The following RFC4 variants were observed in gnomAD, a reference collection of about 807,000 sequenced individuals.
The protein encoded by RFC4 is A1 37 kDa subunit.
In RFC4, 38 loss-of-function variants were observed where a neutral mutation model predicts 47.6. The observed-to-expected ratio is 0.80, with a 90% CI of 0.62 to 1.05. The LOEUF (loss-of-function observed/expected upper bound fraction) is 1.05, where lower values mean the gene tolerates loss of function less well. Ranked by LOEUF, RFC4 falls within the 50% of genes least tolerant of loss-of-function variation. RFC4 has a pLI of 0.00. For missense variants in RFC4, 489 were observed against 434.0 expected, an observed-to-expected ratio of 1.13 and a Z score of -1.13; for synonymous variants, 164 against 150.0, an observed-to-expected ratio of 1.09 and a Z score of -0.68.
At chr3:186,790,537 G>T (rs1182744927) in intron 8 of RFC4, 131 bp from the exon 9 acceptor site, 3 of 703,332 alleles carry the variant, frequency 4.3e-6, no homozygotes, top group Non-Finnish European at 5.1e-6. Context: ...GGAAGGCTTT[G>T]GGAGAACGGA....
Position 186,789,950 on chromosome 3 carries a change from CCATCCAGATATATTCA to C in RFC4, c.*3_*18del, listed in dbSNP as rs758703722. ...ACAACTTCATTATTTACAAAACCCC[CCATCCAGATATATTCA>C]CGTTAACAATTCTGAGATAACTGCT... On this transcript the variant is annotated 3_prime_UTR_variant, in exon 11 of 11. Transcript: ENST00000296273. 2.2e-5 allele frequency: 32 copies of C among 1,449,450 alleles called. No homozygotes were observed. In the Admixed American group the frequency reaches 5.6e-4, roughly 25 times the overall value. 89.8% of individuals were successfully genotyped at this position (1,449,450 alleles called of 1,614,324 possible).
At position 186,793,868 on chromosome 3, in the gene RFC4, G is replaced by A. The variant is rs1297557310; in HGVS notation, c.410+790C>T. Among the ~76,000 whole-genome samples, 5 of 151,872 alleles carry A rather than the reference G, an allele frequency of 3.3e-5. No individual in the cohort carries two copies. Among genetic ancestry groups the A allele is most frequent in the African/African-American group, 4.8e-5 (2 of 41,330 alleles). Reference sequence around the variant, plus strand: ...CTCCCGAGTAGCTGGGACTACAGGCGCCCGCCACCACACCCAGCTAATTTT... The same window carrying A: ...CTCCCGAGTAGCTGGGACTACAGGCACCCGCCACCACACCCAGCTAATTTT... On this transcript the variant is annotated intron_variant, in intron 5 of 10. Transcript: ENST00000296273. This position sits in a 1 kb window ranked among gnomAD's most constrained non-coding sequence, Gnocchi z 4.2.
In RFC4 at chr3:186,796,902, T is replaced by C. The variant is rs1379094294; in HGVS notation, c.290+633A>G. Among the ~76,000 whole-genome samples the C allele has an allele frequency of 6.6e-6, 1 of 152,232 alleles. No individual in the cohort carries two copies. The highest frequency in any genetic ancestry group is 1.5e-5 in the Non-Finnish European group (1 of 68,040). On this transcript the variant is annotated intron_variant, in intron 4 of 10. Coordinates refer to ENST00000296273, the MANE Select transcript of RFC4 (RefSeq NM_002916.5). This position sits in a 1 kb window ranked among gnomAD's most constrained non-coding sequence, Gnocchi z 4.2. ...TTCATGTATATCAGACCCAGCCCAC[T>C]ACACATCTTTTAACTCTAGGTAAAG...
At chr3:186,801,314 G>C in intron 2 of RFC4, 119 bp from the exon 3 acceptor site, 1 of 748,942 alleles carries the variant, frequency 1.3e-6, no homozygotes, top group African/African-American at 1.8e-5. Context: ...GCAATGAAAT[G>C]AGAAACTTTT....
intron 2 of RFC4, among the ~76,000 whole-genome samples, chr3:186,801,997 T>C (rs1256929939): frequency 7.8e-6 from 1 of 127,888 alleles, no homozygotes; most frequent in Non-Finnish European, 1.6e-5. Context: ...CACTCCAACC[T>C]GGGTCACAAG....
At chr3:186,801,710 C>CAAAAAAAAAAAAAAAAAAA (rs34281312) in intron 2 of RFC4, among the ~76,000 whole-genome samples, 1 of 72,930 alleles carries the variant, frequency 1.4e-5, no homozygotes, top group African/African-American at 5.6e-5. Context: ...GACTCTGTCT[C>CAAAAAAAAAAAAAAAAAAA]AAAAAAAAAA....
rs371669546 is a variant in RFC4 at position 186,804,408 on chromosome 3, C to T, written c.131+175G>A. ...TAAGGGAGTTAAACTAGATTATTCT[C>T]AGGTAACTTTAGTTCCAGGGTTCTA... On this transcript the variant is annotated intron_variant, in intron 2 of 10. Transcript: ENST00000296273. Among the ~76,000 whole-genome samples the T allele has an allele frequency of 9.4e-4, 143 of 151,664 alleles. No homozygotes were observed. The East Asian group carries it at 0.013, about 14-fold the overall frequency.
chr3:186,806,228 A>T (rs1722477121), intron 1 of RFC4, 62 bp downstream of exon 1: 2 of 152,238 alleles, frequency 1.3e-5, no homozygotes, highest in Non-Finnish European at 2.9e-5. Context: ...AGACCTCACA[A>T]GGGGCATCAA....
chr3:186,790,336 G>A lies in RFC4; in HGVS notation c.872C>T (p.Ala291Val). 1.2e-6 allele frequency: 2 copies of A among 1,613,574 alleles called. No individual in the cohort carries two copies. The highest frequency in any genetic ancestry group is 1.1e-5 in the South Asian group (1 of 91,066). Residue 291 changes from alanine (A) to valine (V), a missense_variant, in exon 9 of 11, where the codon GCT (alanine) becomes GTT (valine). Physicochemically the swap from Ala to Val is moderately conservative, Grantham distance 64. This residue lies in a region of RFC4 where 283 missense variants were observed against 176.2 expected (regional missense o/e 1.61). Transcript: ENST00000296273. The stretch of plus-strand genomic sequence containing the variant: ...GTAAGCTGACTTTACCTTGACCACA[G>A]CTTCTAGTTTGTCAAAAGAGCCACT... ...CQSGSFDKLE[A>V]VVKDLIDEGH...
rs1319584275 is a variant in RFC4 at position 186,804,573 on chromosome 3, G to C, written c.131+10C>G. 6.2e-6 allele frequency: 10 copies of C among 1,612,580 alleles called. No homozygotes were observed. The South Asian group carries it at 9.9e-5, about 16-fold the overall frequency. On this transcript the variant is annotated intron_variant, in intron 2 of 10. Coordinates refer to ENST00000296273, the MANE Select transcript of RFC4 (RefSeq NM_002916.5). ...ATGAATTATTTTAACAAAGACACAA[G>C]TGTTCTTACTATTTTTCCACCCAGG...
Position 186,801,193 on chromosome 3 carries a change from C to T in RFC4, c.134G>A (p.Arg45His), listed in dbSNP as rs1437049040. ...AGCAACTTCATCCACACATTTTGGG[C>T]GACTTGCGGGGTGAGAAGGAGGAAA... ...AKPVPWVEKY[R>H]PKCVDEVAFQ... The change falls in exon 3 of 11, where the codon CGC (arginine) becomes CAC (histidine). Residue 45 changes from arginine to histidine, a missense_variant and splice_region_variant. Coordinates refer to ENST00000296273, the MANE Select transcript of RFC4 (RefSeq NM_002916.5). 20 of 1,613,646 alleles carry T rather than the reference C, an allele frequency of 1.2e-5. No homozygotes were observed. Among genetic ancestry groups the T allele is most frequent in the Non-Finnish European group, 1.7e-5 (20 of 1,179,634 alleles).
In RFC4 at chr3:186,792,804, C is replaced by G. The variant is rs147162624; in HGVS notation, c.554G>C (p.Arg185Pro). 1.2e-6 allele frequency: 2 copies of G among 1,611,126 alleles called. No homozygotes were observed. Among genetic ancestry groups the G allele is most frequent in the Admixed American group, 3.4e-5 (2 of 59,262 alleles). ...RFCLICNYVS[R>P]IIEPLTSRCS... ...TCTGTCTTCAGGGCAATATACATACCGACTGACATAGTTACAGATAAGACA... is the reference window on the plus strand; with the variant it reads ...TCTGTCTTCAGGGCAATATACATACGGACTGACATAGTTACAGATAAGACA... The change falls in exon 6 of 11, where the codon CGA becomes CCA. Residue 185 changes from arginine (R) to proline (P), a missense_variant and splice_region_variant. Physicochemically the swap from Arg to Pro is moderately radical, Grantham distance 103. Around this residue, in one of 2 missense-constraint regions of RFC4, gnomAD observed 206 missense variants for 257.8 expected, o/e 0.80. Coordinates refer to ENST00000296273, the MANE Select transcript of RFC4 (RefSeq NM_002916.5).
chr3:186,805,529 T>A (rs1722459858), intron 1 of RFC4: 1 of 152,206 alleles, frequency 6.6e-6, no homozygotes, highest in Non-Finnish European at 1.5e-5. Flanking sequence ...GCCAGGGACC[T>A]ATTTTCATGG....
In RFC4 at chr3:186,790,263, A is replaced by G. The variant is rs761140433; in HGVS notation, c.883-8T>C. 1 of 1,609,278 alleles carries G rather than the reference A, an allele frequency of 6.2e-7. No individual in the cohort carries two copies. The highest frequency in any genetic ancestry group is 2.2e-5 in the East Asian group (1 of 44,856). ...ACCCTCATCTATTAAATCCTATAAT[A>G]AAAAAAACTTTTGGTATGATGACTT... On this transcript the variant is annotated splice_polypyrimidine_tract_variant and splice_region_variant and intron_variant, in intron 9 of 10. Coordinates refer to ENST00000296273, the MANE Select transcript of RFC4 (RefSeq NM_002916.5).
At chr3:186,795,233 C>T (rs1722219304) in intron 4 of RFC4, among the ~76,000 whole-genome samples, 1 of 152,166 alleles carries the variant, frequency 6.6e-6, no homozygotes. Context: ...TCAGGTGATC[C>T]TTCCACCTTG....
At chr3:186,790,522 TC>T (rs1338313166) in intron 8 of RFC4, 116 bp from the exon 9 acceptor site, 17 of 766,020 alleles carry the variant, frequency 2.2e-5, no homozygotes, top group African/African-American at 3.5e-5. Context: ...TTCCATACTT[TC>T]CTGGGAAGGC....
chr3:186,792,683 A>C, intron 6 of RFC4, 73 bp from the exon 7 acceptor site: 1 of 1,569,820 alleles, frequency 6.4e-7, no homozygotes, highest in Non-Finnish European at 8.7e-7. Flanking sequence ...TTTTATCAAG[A>C]ACAAATCAAG....
Position 186,792,995 on chromosome 3 carries a change from T to C in RFC4, c.411-48A>G. On this transcript the variant is annotated intron_variant, in intron 5 of 10. Transcript: ENST00000296273. ...AGTTGAACATTAATATGTATATTGGTTTTAACAGCTTTGTTGAAAGATACA... is the reference window on the plus strand; with the variant it reads ...AGTTGAACATTAATATGTATATTGGCTTTAACAGCTTTGTTGAAAGATACA... 2.0e-6 allele frequency: 3 copies of C among 1,495,374 alleles called. No homozygotes were observed. The South Asian group carries it at 3.7e-5, about 18-fold the overall frequency. The allele number at this position is 1,495,374 out of a possible 1,614,324, so 92.6% of individuals were successfully genotyped here.
In RFC4 at chr3:186,792,019, G is replaced by A. The variant is rs1195072871; in HGVS notation, c.676-169C>T. Among the ~76,000 whole-genome samples, 14 of 152,276 alleles carry A rather than the reference G, an allele frequency of 9.2e-5. No homozygotes were observed. The South Asian group carries it at 1.0e-3, about 11-fold the overall frequency. On this transcript the variant is annotated intron_variant, in intron 7 of 10. Coordinates refer to ENST00000296273, the MANE Select transcript of RFC4 (RefSeq NM_002916.5). ...GATCAGTCTAGGGGCCGGGTACAAT[G>A]GAAGGATAGAGATCTCTTGCTTCTG...
Sources: allele counts gnomAD v4.1 joint callset (sites outside exome capture counted in the v4.1 genomes callset), GRCh38; gene constraint gnomAD v4.1.1; regional missense constraint gnomAD v4.1.1; non-coding constraint Gnocchi (gnomAD v3.1); transcripts MANE v1.5; gene names NCBI Gene and HGNC (gene_info 2026-07-23, HGNC 2026-07-21).